Variants in SAMSN1 observed in about 807,000 individuals in gnomAD.
SAMSN1 encodes SAM domain, SH3 domain and nuclear localization signals 1, also known as SAM domain-containing protein SAMSN-1.
In SAMSN1, 31 loss-of-function variants were observed where a neutral mutation model predicts 42.0. The observed-to-expected ratio is 0.74, with a 90% CI of 0.55 to 1.00. The LOEUF (loss-of-function observed/expected upper bound fraction) is 1.00. Among genes scored for constraint, SAMSN1 ranks in the 50% least tolerant of loss-of-function variants. SAMSN1 has a pLI of 0.00. For synonymous variants in SAMSN1, 178 were observed against 151.9 expected (o/e 1.17, Z -1.26); for missense variants, 464 against 439.4 (o/e 1.06, Z -0.50).
chr21:14,541,723 A>C (rs1188892084), intron 1 of SAMSN1, among the ~76,000 whole-genome samples: 2 of 152,326 alleles, frequency 1.3e-5, no homozygotes, highest in East Asian at 3.8e-4. Context: ...TGCTAGCTGC[A>C]GAGGGAGGAT....
intron 2 of SAMSN1, among the ~76,000 whole-genome samples, chr21:14,617,396 T>A (rs1982867857): frequency 6.6e-6 from 1 of 152,198 alleles, no homozygotes; most frequent in Non-Finnish European, 1.5e-5. Context: ...TTGTGTTCCT[T>A]GCCCCACAAT....
chr21:14,637,533 G>C (rs1225914595), intron 2 of SAMSN1, among the ~76,000 whole-genome samples: 1 of 152,144 alleles, frequency 6.6e-6, no homozygotes, highest in African/African-American at 2.4e-5. Flanking sequence ...CAATGTAATA[G>C]GTCCAAGATG....
chr21:14,659,335 A>G (rs778315776), upstream of SAMSN1, among the ~76,000 whole-genome samples: 2 of 152,048 alleles, frequency 1.3e-5, no homozygotes, highest in African/African-American at 4.8e-5. Context: ...TAAACAGTTC[A>G]GTAACATTAA....
intron 2 of SAMSN1, among the ~76,000 whole-genome samples, chr21:14,551,824 G>A (rs1485107895): frequency 6.6e-6 from 1 of 152,022 alleles, no homozygotes; most frequent in African/African-American, 2.4e-5. Flanking sequence ...TCCTGGTGGG[G>A]TTTGGTAACG....
chr21:14,597,770 G>A (rs897018501), intron 6 of SAMSN1, among the ~76,000 whole-genome samples: 1 of 152,142 alleles, frequency 6.6e-6, no homozygotes, highest in Non-Finnish European at 1.5e-5. Flanking sequence ...CTCTATGCAT[G>A]TGCCTGTTCC....
chr21:14,579,898 T>A (rs1295126902), intron 2 of SAMSN1, among the ~76,000 whole-genome samples: 2 of 152,174 alleles, frequency 1.3e-5, no homozygotes, highest in Non-Finnish European at 2.9e-5. Context: ...AAGTGGAGTA[T>A]GGTTAAGTTC....
intron 1 of SAMSN1, among the ~76,000 whole-genome samples, chr21:14,525,927 C>A (rs1478476282): frequency 1.3e-5 from 2 of 152,076 alleles, no homozygotes; most frequent in Admixed American, 6.5e-5. Context: ...TGCAGTGGCT[C>A]CATCTCGGCT....
intron 2 of SAMSN1, among the ~76,000 whole-genome samples, chr21:14,561,973 T>A (rs993230132): frequency 1.3e-5 from 2 of 151,860 alleles, no homozygotes; most frequent in Admixed American, 6.6e-5. Context: ...GCCCTGCCAA[T>A]ACCTTGATTT....
intron 7 of SAMSN1, among the ~76,000 whole-genome samples, chr21:14,491,442 T>C (rs776313746): frequency 1.3e-5 from 2 of 152,180 alleles, no homozygotes; most frequent in Non-Finnish European, 2.9e-5. Context: ...GCAGATGACA[T>C]TTCCATGTGA....
upstream of SAMSN1, among the ~76,000 whole-genome samples, chr21:14,586,801 G>A (rs989634950): frequency 7.2e-5 from 11 of 152,214 alleles, no homozygotes; most frequent in African/African-American, 2.4e-4. Flanking sequence ...TTAGAATTCA[G>A]CAGATGGTCA....
chr21:14,611,618 G>A (rs1184148404), intron 4 of SAMSN1, among the ~76,000 whole-genome samples: 1 of 152,180 alleles, frequency 6.6e-6, no homozygotes, highest in Non-Finnish European at 1.5e-5. Flanking sequence ...ATAAAATGTT[G>A]CCTTGCTTCC....
chr21:14,568,969 A>T (rs574255400), intron 2 of SAMSN1, among the ~76,000 whole-genome samples: 1 of 152,296 alleles, frequency 6.6e-6, no homozygotes, highest in South Asian at 2.1e-4. Flanking sequence ...AATTCATTTT[A>T]CTTCAGATCC....
upstream of SAMSN1, chr21:14,583,827 T>A: frequency 5.8e-6 from 4 of 695,286 alleles, no homozygotes; most frequent in Non-Finnish European, 7.9e-6. Context: ...CACAAAAGAT[T>A]AAATATAAAA....
Position 14,485,884 on chromosome 21 carries a change from C to T in SAMSN1, c.*28G>A, listed in dbSNP as rs762374562. The T allele has an allele frequency of 6.4e-7, 1 of 1,559,152 alleles. No homozygotes were observed. The highest frequency in any genetic ancestry group is 2.2e-5 in the East Asian group (1 of 44,582). On this transcript the variant is annotated 3_prime_UTR_variant, in exon 8 of 8. Transcript: ENST00000400566. ...CAAGAAGAGTTAAAATGGAATGCATCTGTAGATATATAGTTGGGAATGCGT... is the reference window on the plus strand; with the variant it reads ...CAAGAAGAGTTAAAATGGAATGCATTTGTAGATATATAGTTGGGAATGCGT...
intron 5 of SAMSN1, among the ~76,000 whole-genome samples, chr21:14,504,992 C>A (rs936622608): frequency 6.6e-6 from 1 of 152,146 alleles, no homozygotes; most frequent in African/African-American, 2.4e-5. Flanking sequence ...TTGTATCCAG[C>A]AAAATCAAAC....
intron 5 of SAMSN1, among the ~76,000 whole-genome samples, chr21:14,607,236 C>T (rs1982592042): frequency 1.3e-5 from 2 of 152,158 alleles, no homozygotes; most frequent in South Asian, 2.1e-4. Flanking sequence ...GCACAGGAAA[C>T]TACTCTTAAG....
chr21:14,655,837 T>C (rs466008), intron 1 of SAMSN1, among the ~76,000 whole-genome samples: 116,235 of 151,634 alleles, frequency 0.77, 45,093 homozygotes, highest in Middle Eastern at 0.89. Flanking sequence ...AGATTATTTG[T>C]ACAGAAAATC....
chr21:14,551,707 G>A (rs1175748709), intron 2 of SAMSN1, among the ~76,000 whole-genome samples: 2 of 151,946 alleles, frequency 1.3e-5, no homozygotes, highest in Non-Finnish European at 2.9e-5. Flanking sequence ...CTGTCATCTT[G>A]AGTGTTTATT....
At chr21:14,592,463 A>T (rs1176709172) in intron 7 of SAMSN1, 1 of 165,998 alleles carries the variant, frequency 6.0e-6, no homozygotes, top group Non-Finnish European at 1.4e-5. Flanking sequence ...CTGCTTTGAA[A>T]ATCTGCTTTG....
Sources: gnomAD v4.1 joint callset for allele counts (sites outside exome capture counted in the v4.1 genomes callset) on GRCh38, gnomAD v4.1.1 for gene constraint, MANE v1.5 for transcripts, NCBI Gene and HGNC (gene_info 2026-07-23, HGNC 2026-07-21) for gene names.